PIK3C2G: variants seen among roughly 807,000 people sequenced by gnomAD.
The protein encoded by PIK3C2G is phosphatidylinositol 3-kinase C2 domain-containing subunit gamma.
Under a neutral mutation model 181.1 loss-of-function variants are expected in PIK3C2G, and 168 were observed. That is an observed-to-expected ratio of 0.93 (90% confidence interval 0.82 to 1.05). The LOEUF (loss-of-function observed/expected upper bound fraction) is 1.05, where lower values mean the gene tolerates loss of function less well. Ranked by LOEUF, PIK3C2G falls within the 50% of genes least tolerant of loss-of-function variation. The pLI is 0.00. For missense variants in PIK3C2G, 1,869 were observed against 1,732.8 expected (o/e 1.08, Z -1.40); for synonymous variants, 573 against 592.2 (o/e 0.97, Z 0.47).
intron 25 of PIK3C2G, among the ~76,000 whole-genome samples, chr12:18,543,382 C>A (rs1191061033): frequency 2.6e-5 from 4 of 151,982 alleles, no homozygotes; most frequent in Non-Finnish European, 5.9e-5. Flanking sequence ...TGTGCAGAAG[C>A]TCTTAAGTTT....
At chr12:18,389,611 A>G (rs2138037823) in intron 14 of PIK3C2G, among the ~76,000 whole-genome samples, 1 of 152,338 alleles carries the variant, frequency 6.6e-6, no homozygotes, top group Non-Finnish European at 1.5e-5. Context: ...AGTGTTCTAA[A>G]GCAAATGCAT....
the PIK3C2G span, among the ~76,000 whole-genome samples, chr12:18,678,509 C>T: frequency 6.6e-6 from 1 of 152,056 alleles, no homozygotes; most frequent in Non-Finnish European, 1.5e-5. Context: ...ATCCATCCCT[C>T]TTTCCATCCC....
rs779101270 is a variant in PIK3C2G, at chr12:18,546,315, T to A, written c.3481-8T>A. 1.4e-6 allele frequency: 2 copies of A among 1,461,608 alleles called. No homozygotes were observed. The highest frequency in any genetic ancestry group is 1.9e-6 in the Non-Finnish European group (2 of 1,051,186). The allele number at this position is 1,461,608 out of a possible 1,614,324, so 90.5% of individuals were successfully genotyped here. On this transcript the variant is annotated splice_region_variant and splice_polypyrimidine_tract_variant and intron_variant, in intron 25 of 32. Transcript: ENST00000538779. ...CTTTTTGCTTTGCTTGTTCTTGTTG[T>A]GGTTAAGATGCTGTATGCAGGACTG...
chr12:18,579,467 G>A (rs1190381418), intron 29 of PIK3C2G, among the ~76,000 whole-genome samples: 1 of 152,134 alleles, frequency 6.6e-6, no homozygotes, highest in Non-Finnish European at 1.5e-5. Flanking sequence ...GGTCTCTGGG[G>A]ATTTGTTCTA....
the PIK3C2G span, among the ~76,000 whole-genome samples, chr12:18,676,970 G>A: frequency 1.2e-3 from 177 of 152,130 alleles, 2 homozygotes; most frequent in Middle Eastern, 6.8e-3. Context: ...AGAACATCTG[G>A]TTCAAACAAC....
intron 24 of PIK3C2G, among the ~76,000 whole-genome samples, chr12:18,509,305 C>T (rs1320347778): frequency 6.6e-6 from 1 of 152,186 alleles, no homozygotes; most frequent in Non-Finnish European, 1.5e-5. Flanking sequence ...GCCTCGGCCT[C>T]TCAAAGTGCT....
intron 12 of PIK3C2G, among the ~76,000 whole-genome samples, chr12:18,367,981 G>A (rs2137845893): frequency 6.6e-6 from 1 of 152,254 alleles, no homozygotes; most frequent in South Asian, 2.1e-4. Flanking sequence ...TCACCAGGTG[G>A]CAGGAAAAGA....
the PIK3C2G span, among the ~76,000 whole-genome samples, chr12:18,704,647 A>G: frequency 6.6e-6 from 1 of 152,028 alleles, no homozygotes; most frequent in Admixed American, 6.6e-5. Context: ...AGTAATAAAG[A>G]GACAGCCAGA....
chr12:18,721,715 T>TA, the PIK3C2G span, among the ~76,000 whole-genome samples: 1,818 of 139,846 alleles, frequency 0.013, 35 homozygotes, highest in African/African-American at 0.034. Flanking sequence ...GTCTTGCTAT[T>TA]AAAAAAAAAA....
At chr12:18,597,654 T>C (rs1041260611) in intron 30 of PIK3C2G, among the ~76,000 whole-genome samples, 2 of 151,984 alleles carry the variant, frequency 1.3e-5, no homozygotes, top group Admixed American at 6.6e-5. Flanking sequence ...CCAGGGCAAT[T>C]AGACAGGAGA....
At chr12:18,726,683 A>G in the PIK3C2G span, among the ~76,000 whole-genome samples, 2 of 152,202 alleles carry the variant, frequency 1.3e-5, no homozygotes, top group Non-Finnish European at 2.9e-5. Flanking sequence ...TAAAAATATG[A>G]AATGTTATTT....
At chr12:18,696,242 C>T in the PIK3C2G span, 41 of 1,584,854 alleles carry the variant, frequency 2.6e-5, no homozygotes, top group Non-Finnish European at 2.6e-6. Flanking sequence ...AATGAACTTC[C>T]TGGTGTGAAA....
chr12:18,337,444 A>G (rs955153838), intron 8 of PIK3C2G, among the ~76,000 whole-genome samples: 4 of 152,118 alleles, frequency 2.6e-5, no homozygotes, highest in African/African-American at 9.7e-5. Context: ...TTGTGTTGCT[A>G]TAAAGAAATA....
the PIK3C2G span, among the ~76,000 whole-genome samples, chr12:18,686,107 C>T: frequency 3.3e-5 from 5 of 152,074 alleles, no homozygotes; most frequent in African/African-American, 4.8e-5. Flanking sequence ...TTGACTTCTG[C>T]GCAGTGTTTC....
intron 32 of PIK3C2G, 138 bp from the exon 33 acceptor site, chr12:18,647,738 A>G: frequency 2.5e-6 from 1 of 407,230 alleles, no homozygotes; most frequent in Non-Finnish European, 4.3e-6. Context: ...AGTTAGAAAT[A>G]AAAGAGTCTG....
chr12:18,382,160 C>T (rs1317525272), intron 14 of PIK3C2G, among the ~76,000 whole-genome samples: 1 of 150,504 alleles, frequency 6.6e-6, no homozygotes, highest in Non-Finnish European at 1.5e-5. Flanking sequence ...TCATTATGGG[C>T]ATTCATTTTC....
intron 11 of PIK3C2G, among the ~76,000 whole-genome samples, chr12:18,348,316 G>T (rs1219010377): frequency 6.6e-6 from 1 of 151,692 alleles, no homozygotes; most frequent in Non-Finnish European, 1.5e-5. Context: ...ATATAAAAAA[G>T]TGTGCATTTA....
rs117365457 is a variant in PIK3C2G at position 18,626,452 on chromosome 12, G to A, written c.4183-13977G>A. ...GGATAATATTACTTTACACACCACC[G>A]TTATAGTCTTAAGAGTGTTCTGAAT... is the stretch of plus-strand genomic sequence containing the variant. On this transcript the variant is annotated intron_variant, in intron 31 of 32. Coordinates refer to ENST00000538779, the MANE Select transcript of PIK3C2G (RefSeq NM_001288772.2). Among the ~76,000 whole-genome samples, 738 of 151,872 alleles carry A rather than the reference G, an allele frequency of 4.9e-3. 4 individuals are homozygous for A. The highest frequency in any genetic ancestry group is 7.5e-3 in the Non-Finnish European group (511 of 67,866).
intron 13 of PIK3C2G, among the ~76,000 whole-genome samples, chr12:18,373,714 G>T (rs918926389): frequency 2.0e-5 from 3 of 152,032 alleles, no homozygotes; most frequent in Non-Finnish European, 4.4e-5. Flanking sequence ...TTAGCCGGCC[G>T]TGGTGGCAGG....
Sources: gnomAD v4.1 joint callset for allele counts (sites outside exome capture counted in the v4.1 genomes callset) on GRCh38, gnomAD v4.1.1 for gene constraint, MANE v1.5 for transcripts, NCBI Gene and HGNC (gene_info 2026-07-23, HGNC 2026-07-21) for gene names.